PCDH15: variants seen among roughly 807,000 people sequenced by gnomAD.
PCDH15 encodes protocadherin-15.
A neutral mutation model predicts 178.5 loss-of-function variants in PCDH15; 129 were observed. The observed-to-expected ratio is 0.72, with a 90% CI of 0.63 to 0.84. The LOEUF (loss-of-function observed/expected upper bound fraction) is 0.84. Ranked by LOEUF, PCDH15 falls within the 40% of genes least tolerant of loss-of-function variation. The pLI is 0.00. For missense variants in PCDH15, 2,230 were observed against 2,099.9 expected, an observed-to-expected ratio of 1.06 and a Z score of -1.21; for synonymous variants, 800 against 732.0, an observed-to-expected ratio of 1.09 and a Z score of -1.50.
At chr10:55,474,261 G>T (rs1013138386) in intron 2 of PCDH15, among the ~76,000 whole-genome samples, 2 of 152,130 alleles carry the variant, frequency 1.3e-5, no homozygotes, top group African/African-American at 4.8e-5. Context: ...GGAGGTCAGA[G>T]ATCTTACTAC....
At chr10:55,515,830 T>G (rs1841001275) in intron 2 of PCDH15, among the ~76,000 whole-genome samples, 1 of 152,164 alleles carries the variant, frequency 6.6e-6, no homozygotes, top group South Asian at 2.1e-4. Context: ...CATTCAAGCC[T>G]TTGTGGATTA....
At chr10:55,627,703 C>A (rs907207103) in exon 2 of PCDH15, 12 of 152,160 alleles carry the variant, frequency 7.9e-5, no homozygotes, top group African/African-American at 2.9e-4. Context: ...TCCCGAGCAG[C>A]CACGGAGCTT....
At chr10:54,707,991 G>A (rs970682405) in intron 1 of PCDH15, among the ~76,000 whole-genome samples, 21 of 152,138 alleles carry the variant, frequency 1.4e-4, no homozygotes, top group Admixed American at 3.9e-4. Flanking sequence ...AATGAGTTAA[G>A]TAAGTAAATA....
In PCDH15 at chr10:54,837,001, C is replaced by T. The variant is rs148124424; in HGVS notation, c.-29+60449G>A. On this transcript the variant is annotated intron_variant, in intron 3 of 5. Transcript: ENST00000458638. ...GAACAATTTTCTGAAAAGAACAAAACGAAGAATATTTTTGGGAAAAGAAAA... is the reference window on the plus strand; with the variant it reads ...GAACAATTTTCTGAAAAGAACAAAATGAAGAATATTTTTGGGAAAAGAAAA... 4.8e-4 allele frequency among the ~76,000 whole-genome samples: 73 copies of T among 151,726 alleles called. No individual in the cohort carries two copies. The East Asian group carries it at 9.9e-3, about 20-fold the overall frequency.
chr10:53,846,176 C>T (rs541940124), intron 28 of PCDH15, among the ~76,000 whole-genome samples: 4 of 151,802 alleles, frequency 2.6e-5, no homozygotes, highest in South Asian at 2.1e-4. Context: ...CTGATTATGT[C>T]GAGCATTCTC....
At chr10:55,310,643 T>C (rs1644183607) in intron 1 of PCDH15, among the ~76,000 whole-genome samples, 2 of 152,182 alleles carry the variant, frequency 1.3e-5, no homozygotes, top group Admixed American at 1.3e-4. Context: ...AATGATAGAC[T>C]GGATAAAGAA....
chr10:54,839,075 G>T (rs1442672266), intron 3 of PCDH15, among the ~76,000 whole-genome samples: 1 of 152,126 alleles, frequency 6.6e-6, no homozygotes, highest in African/African-American at 2.4e-5. Context: ...GCTAAAAGAG[G>T]TTTACTTCTT....
intron 2 of PCDH15, among the ~76,000 whole-genome samples, chr10:55,086,871 T>C (rs1842183462): frequency 6.6e-6 from 1 of 152,074 alleles, no homozygotes; most frequent in Non-Finnish European, 1.5e-5. Context: ...GGTGGCTGTT[T>C]GTGGTTGTGT....
chr10:53,838,930 C>A (rs1420933705), intron 29 of PCDH15, among the ~76,000 whole-genome samples: 3 of 151,756 alleles, frequency 2.0e-5, no homozygotes, highest in Admixed American at 2.0e-4. Flanking sequence ...ATGAGCCAGG[C>A]ACGGTGGCTC....
chr10:53,834,972 G>A (rs541598292), intron 29 of PCDH15, among the ~76,000 whole-genome samples: 23 of 152,136 alleles, frequency 1.5e-4, no homozygotes, highest in Non-Finnish European at 2.1e-4. Flanking sequence ...CGTACAGAGT[G>A]GGCAGTGGTT....
At position 54,046,471 on chromosome 10, in the gene PCDH15, G is replaced by A. The variant is rs560626043; in HGVS notation, c.2220+20286C>T. On this transcript the variant is annotated intron_variant, in intron 18 of 37. Transcript: ENST00000644397. ...AATAAATGAATGAACAGGTAGAAATGTGGCTGAATAGTAAAAAGTTAAATA... is the reference window on the plus strand; with the variant it reads ...AATAAATGAATGAACAGGTAGAAATATGGCTGAATAGTAAAAAGTTAAATA... 2.6e-3 allele frequency among the ~76,000 whole-genome samples: 391 copies of A among 152,274 alleles called. 2 individuals are homozygous for A. Among genetic ancestry groups the A allele is most frequent in the African/African-American group, 8.6e-3 (356 of 41,572 alleles).
intron 21 of PCDH15, among the ~76,000 whole-genome samples, chr10:53,970,325 A>G (rs928173125): frequency 6.6e-6 from 1 of 152,184 alleles, no homozygotes; most frequent in Non-Finnish European, 1.5e-5. Context: ...CTAAATATAT[A>G]TGCACCCAAT....
intron 1 of PCDH15, among the ~76,000 whole-genome samples, chr10:55,304,534 T>C (rs898873157): frequency 2.0e-5 from 3 of 152,208 alleles, no homozygotes; most frequent in Admixed American, 1.3e-4. Flanking sequence ...TAAGGAAAAG[T>C]GCATCTACTT....
At chr10:54,878,581 G>A (rs563948868) in intron 3 of PCDH15, among the ~76,000 whole-genome samples, 1 of 151,120 alleles carries the variant, frequency 6.6e-6, no homozygotes, top group Non-Finnish European at 1.5e-5. Flanking sequence ...CTTTTTTTTT[G>A]TATTCTTCTC....
chr10:55,182,687 A>G (rs953442232), intron 1 of PCDH15, among the ~76,000 whole-genome samples: 1 of 152,018 alleles, frequency 6.6e-6, no homozygotes, highest in African/African-American at 2.4e-5. Flanking sequence ...AAATGACATC[A>G]TTAGCATGAT....
intron 3 of PCDH15, among the ~76,000 whole-genome samples, chr10:54,874,040 T>C (rs1401970139): frequency 7.8e-5 from 9 of 114,742 alleles, no homozygotes; most frequent in African/African-American, 2.0e-4. Context: ...GTTACATATG[T>C]ATACATGTGC....
intron 6 of PCDH15, among the ~76,000 whole-genome samples, chr10:54,344,617 T>A (rs1026036199): frequency 1.1e-4 from 17 of 152,076 alleles, no homozygotes; most frequent in African/African-American, 4.1e-4. Context: ...GTAACCTTCA[T>A]AAAATTTGAG....
At chr10:54,317,531 T>TC in intron 7 of PCDH15, 90 bp from the exon 8 acceptor site, 2 of 1,465,726 alleles carry the variant, frequency 1.4e-6, no homozygotes, top group Non-Finnish European at 1.9e-6. Context: ...TCCCAGAACT[T>TC]TGGGAGGCCA....
intron 2 of PCDH15, among the ~76,000 whole-genome samples, chr10:55,496,856 T>C (rs1428302331): frequency 1.3e-5 from 2 of 151,878 alleles, no homozygotes; most frequent in Non-Finnish European, 2.9e-5. Context: ...GCTTTCATAA[T>C]TGGCTAGGTT....
Sources: gnomAD v4.1 joint callset for allele counts (sites outside exome capture counted in the v4.1 genomes callset) on GRCh38, gnomAD v4.1.1 for gene constraint, MANE v1.5 for transcripts, NCBI Gene and HGNC (gene_info 2026-07-23, HGNC 2026-07-21) for gene names.